ANKS1B: variants seen among roughly 807,000 people sequenced by gnomAD.
The protein encoded by ANKS1B is ankyrin repeat and sterile alpha motif domain containing 1B.
A neutral mutation model predicts 148.3 loss-of-function variants in ANKS1B; 36 were observed. That is an observed-to-expected ratio of 0.24 (90% CI 0.19 to 0.32). ANKS1B has a LOEUF of 0.32. ANKS1B is among the 10% of genes least tolerant of loss of function. ANKS1B has a pLI of 1.00. For synonymous variants in ANKS1B, 542 were observed against 560.8 expected, an observed-to-expected ratio of 0.97 and a Z score of 0.47; for missense variants, 1,157 against 1,542.6, an observed-to-expected ratio of 0.75 and a Z score of 4.19.
chr12:98,964,115 T>C (rs2099875786), intron 17 of ANKS1B, among the ~76,000 whole-genome samples: 1 of 151,910 alleles, frequency 6.6e-6, no homozygotes, highest in East Asian at 1.9e-4. Context: ...AAAAATCTAA[T>C]AATCCCATTA....
chr12:99,555,670 G>T (rs2097268604), intron 9 of ANKS1B, among the ~76,000 whole-genome samples: 1 of 152,134 alleles, frequency 6.6e-6, no homozygotes, highest in African/African-American at 2.4e-5. Context: ...TTTATCAAAA[G>T]CCTTTTCTAC....
chr12:99,357,152 G>T (rs908623003), intron 12 of ANKS1B, among the ~76,000 whole-genome samples: 1 of 151,210 alleles, frequency 6.6e-6, no homozygotes. Context: ...TAATAAAATT[G>T]GGTTCATTTT....
chr12:99,384,231 A>T (rs1478065332), intron 12 of ANKS1B, among the ~76,000 whole-genome samples: 2 of 152,224 alleles, frequency 1.3e-5, no homozygotes, highest in Non-Finnish European at 2.9e-5. Flanking sequence ...GTTACAGTAT[A>T]GTGGGAAGAG....
Position 99,885,599 on chromosome 12 carries a change from G to A in ANKS1B, c.135-60210C>T, listed in dbSNP as rs113337274. Among the ~76,000 whole-genome samples, 1,348 of 152,116 alleles carry A rather than the reference G, an allele frequency of 8.9e-3. 18 individuals are homozygous for A. The highest frequency in any genetic ancestry group is 0.031 in the African/African-American group (1,279 of 41,518). ...ATTACAGGCTTGAGCCACCGCGCCC[G>A]GTCTTTTTTTTTATTTCAAGAGCTT... is the stretch of plus-strand genomic sequence containing the variant. On this transcript the variant is annotated intron_variant, in intron 1 of 26. Transcript: ENST00000683438.
intron 20 of ANKS1B, among the ~76,000 whole-genome samples, chr12:98,805,454 T>G (rs2099043791): frequency 2.6e-5 from 4 of 152,212 alleles, no homozygotes; most frequent in Admixed American, 2.6e-4. Context: ...GGAGAATTGA[T>G]TCTGTGTAAC....
intron 15 of ANKS1B, among the ~76,000 whole-genome samples, chr12:99,087,144 A>T (rs1335177000): frequency 6.6e-6 from 1 of 152,222 alleles, no homozygotes; most frequent in African/African-American, 2.4e-5. Context: ...TTCCTGCCAT[A>T]ATAAAGGAGG....
At chr12:98,942,073 T>C (rs934213148) in intron 17 of ANKS1B, among the ~76,000 whole-genome samples, 6 of 152,030 alleles carry the variant, frequency 3.9e-5, no homozygotes, top group African/African-American at 1.2e-4. Flanking sequence ...AAACCTCACC[T>C]CTATCAAAAA....
At chr12:98,789,350 A>G (rs889129108) in intron 22 of ANKS1B, among the ~76,000 whole-genome samples, 3 of 152,138 alleles carry the variant, frequency 2.0e-5, no homozygotes, top group African/African-American at 7.2e-5. Context: ...AAAAACAAAA[A>G]CAAAAAACCT....
chr12:99,932,404 G>A (rs1333084062), intron 1 of ANKS1B, among the ~76,000 whole-genome samples: 1 of 152,106 alleles, frequency 6.6e-6, no homozygotes, highest in Admixed American at 6.6e-5. Flanking sequence ...GCATACAAAT[G>A]TTCCCTTTTC....
intron 9 of ANKS1B, among the ~76,000 whole-genome samples, chr12:99,517,339 T>G (rs11503423): frequency 0.031 from 4,734 of 151,598 alleles, 274 homozygotes; most frequent in African/African-American, 0.11. Context: ...GAAATGCTAC[T>G]GATTTTTGTA....
chr12:98,937,930 C>A (rs1405897720), intron 17 of ANKS1B, among the ~76,000 whole-genome samples: 1 of 151,806 alleles, frequency 6.6e-6, no homozygotes, highest in African/African-American at 2.4e-5. Flanking sequence ...GGGAAACTGG[C>A]AATTTTAAAC....
intron 9 of ANKS1B, among the ~76,000 whole-genome samples, chr12:99,548,334 C>T (rs796065630): frequency 5.9e-5 from 9 of 151,536 alleles, no homozygotes; most frequent in African/African-American, 1.9e-4. Context: ...TACCAAATGG[C>T]CCTTTCCCTT....
intron 10 of ANKS1B, among the ~76,000 whole-genome samples, chr12:99,487,750 C>G (rs1025798930): frequency 5.3e-5 from 8 of 151,920 alleles, no homozygotes; most frequent in Non-Finnish European, 1.2e-4. Flanking sequence ...AATAAGTGGT[C>G]AATTTTTCTC....
Position 99,297,207 on chromosome 12 carries a change from T to G in ANKS1B, c.1757-50343A>C, listed in dbSNP as rs556798312. Among the ~76,000 whole-genome samples, 5 of 152,270 alleles carry G rather than the reference T, an allele frequency of 3.3e-5. No homozygotes were observed. The East Asian group carries it at 9.6e-4, about 29-fold the overall frequency. Reference sequence around the variant, plus strand: ...TTCCTAAATAATATTTAATTAAAAATAAATACTAGTCATAATTTTGACAGA... The same window carrying G: ...TTCCTAAATAATATTTAATTAAAAAGAAATACTAGTCATAATTTTGACAGA... On this transcript the variant is annotated intron_variant, in intron 12 of 26. Coordinates refer to ENST00000683438, the MANE Select transcript of ANKS1B (RefSeq NM_001352186.2).
chr12:99,250,702 A>ATTC (rs3079448), intron 12 of ANKS1B, among the ~76,000 whole-genome samples: 48,793 of 152,182 alleles, frequency 0.32, 9,264 homozygotes, highest in African/African-American at 0.54. Flanking sequence ...TGAAAATATA[A>ATTC]ACTATATCCC....
intron 17 of ANKS1B, among the ~76,000 whole-genome samples, chr12:99,009,841 CAAA>C (rs150905224): frequency 0.26 from 35,245 of 133,300 alleles, 4,347 homozygotes; most frequent in African/African-American, 0.32. Flanking sequence ...GTCATCTATG[CAAA>C]AAAAAAAAAA....
chr12:99,143,477 T>C (rs1429791835), intron 15 of ANKS1B, among the ~76,000 whole-genome samples: 1 of 152,112 alleles, frequency 6.6e-6, no homozygotes, highest in Non-Finnish European at 1.5e-5. Context: ...CAATGACCTG[T>C]AAGGTGTTGT....
intron 12 of ANKS1B, among the ~76,000 whole-genome samples, chr12:99,286,906 T>C (rs1163596800): frequency 1.3e-5 from 2 of 152,192 alleles, no homozygotes; most frequent in Non-Finnish European, 2.9e-5. Context: ...AGTAGATTCT[T>C]ACGTTTCCTA....
At chr12:98,978,337 A>C (rs1157004323) in intron 17 of ANKS1B, among the ~76,000 whole-genome samples, 1 of 151,844 alleles carries the variant, frequency 6.6e-6, no homozygotes, top group Admixed American at 6.6e-5. Context: ...TATTTACCTA[A>C]TTTTAGTTGG....
Sources: gnomAD v4.1 joint callset for allele counts (sites outside exome capture counted in the v4.1 genomes callset) on GRCh38, gnomAD v4.1.1 for gene constraint, MANE v1.5 for transcripts, NCBI Gene and HGNC (gene_info 2026-07-23, HGNC 2026-07-21) for gene names.